MTUS1: variants seen among roughly 807,000 people sequenced by gnomAD.
The protein encoded by MTUS1 is microtubule associated scaffold protein 1.
A neutral mutation model predicts 120.8 loss-of-function variants in MTUS1; 109 were observed. The ratio of observed to expected loss-of-function variants is 0.90; its 90% CI spans 0.77 to 1.06. MTUS1 has a LOEUF of 1.06. Among genes scored for constraint, MTUS1 ranks in the 50% least tolerant of loss-of-function variants. The pLI is 0.00. For synonymous variants in MTUS1, 737 were observed against 550.5 expected (o/e 1.34, Z -4.74); for missense variants, 2,210 against 1,486.3 (o/e 1.49, Z -8.01).
At chr8:17,663,021 G>GT (rs1810103285) in intron 8 of MTUS1, among the ~76,000 whole-genome samples, 1 of 152,044 alleles carries the variant, frequency 6.6e-6, no homozygotes, top group Non-Finnish European at 1.5e-5. Context: ...CTAGGCCAGT[G>GT]ACCCTCCCTG....
intron 5 of MTUS1, among the ~76,000 whole-genome samples, chr8:17,713,604 G>C (rs1291947947): frequency 6.6e-6 from 1 of 152,182 alleles, no homozygotes; most frequent in Admixed American, 6.5e-5. Flanking sequence ...GCTGCCGGGA[G>C]AGCAGAGGCC....
upstream of MTUS1, chr8:17,801,353 C>A (rs1016291199): frequency 6.6e-6 from 1 of 151,916 alleles, no homozygotes; most frequent in South Asian, 2.1e-4. Flanking sequence ...CAACCCGGGG[C>A]GGCTCCTTCC....
At chr8:17,744,689 C>CTTTTTTTTTTTTTTTTTTTTT (rs58283163) in intron 2 of MTUS1, among the ~76,000 whole-genome samples, 130 of 98,976 alleles carry the variant, frequency 1.3e-3, no homozygotes, top group Middle Eastern at 7.7e-3. Flanking sequence ...ACCATGTTTT[C>CTTTTTTTTTTTTTTTTTTTTT]TTTTTTTTTT....
chr8:17,648,225 G>A (rs1806244799), intron 13 of MTUS1, among the ~76,000 whole-genome samples: 1 of 152,108 alleles, frequency 6.6e-6, no homozygotes, highest in Admixed American at 6.5e-5. Context: ...AATTTCATCA[G>A]AGGCCTGTAA....
At chr8:17,684,262 A>G (rs1322540125) in intron 7 of MTUS1, 66 bp downstream of exon 7, 9 of 1,165,190 alleles carry the variant, frequency 7.7e-6, no homozygotes, top group Non-Finnish European at 1.0e-5. Flanking sequence ...CCAGCGTGTG[A>G]GCAAGTCCTC....
intron 1 of MTUS1, among the ~76,000 whole-genome samples, chr8:17,760,772 T>G (rs1195058445): frequency 1.4e-5 from 2 of 147,336 alleles, no homozygotes; most frequent in Non-Finnish European, 3.0e-5. Flanking sequence ...ATGCAGAAAG[T>G]TAAAAAATAA....
intron 1 of MTUS1, among the ~76,000 whole-genome samples, chr8:17,765,095 C>G (rs2049369649): frequency 1.3e-5 from 2 of 152,172 alleles, no homozygotes; most frequent in Admixed American, 1.3e-4. Flanking sequence ...TCATAAGTAG[C>G]TCGCAACCTA....
intron 8 of MTUS1, 118 bp downstream of exon 8, chr8:17,675,068 C>T: frequency 6.5e-7 from 1 of 1,545,548 alleles, no homozygotes; most frequent in Non-Finnish European, 8.7e-7. Context: ...AGATACTAGA[C>T]AGGGAGTGCC....
intron 4 of MTUS1, among the ~76,000 whole-genome samples, chr8:17,720,107 G>GT (rs2045711192): frequency 6.6e-6 from 1 of 152,180 alleles, no homozygotes; most frequent in Non-Finnish European, 1.5e-5. Flanking sequence ...CACTCTGGGA[G>GT]GCAGACGCAG....
chr8:17,678,934 G>C (rs1033247135), intron 7 of MTUS1, among the ~76,000 whole-genome samples: 1 of 152,090 alleles, frequency 6.6e-6, no homozygotes, highest in Non-Finnish European at 1.5e-5. Flanking sequence ...AACTAAGCAA[G>C]GATAAACCAA....
intron 3 of MTUS1, among the ~76,000 whole-genome samples, chr8:17,741,092 T>C (rs530436808): frequency 1.3e-5 from 2 of 152,176 alleles, no homozygotes; most frequent in South Asian, 4.2e-4. Flanking sequence ...TTGGCCAGGC[T>C]GGTCTCAAAC....
At chr8:17,727,381 A>G (rs1275750185) in intron 3 of MTUS1, among the ~76,000 whole-genome samples, 1 of 152,210 alleles carries the variant, frequency 6.6e-6, no homozygotes, top group Non-Finnish European at 1.5e-5. Flanking sequence ...TCCCTCGGCC[A>G]TGCCACAGAA....
At position 17,742,291 on chromosome 8, in the gene MTUS1, GTTTTTTT is replaced by G. The variant is rs1237059839; in HGVS notation, c.2287+1306_2287+1312del. ...GCTGTTTTTTTTTTTTGTTGTTGTTGTTTTTTTTTTTTTTTTTTTTAGAGATAGTGTC... is the reference window on the plus strand; with the variant it reads ...GCTGTTTTTTTTTTTTGTTGTTGTTGTTTTTTTTTTTTTAGAGATAGTGTC... On this transcript the variant is annotated intron_variant, in intron 3 of 14. Coordinates refer to ENST00000693296, the MANE Select transcript of MTUS1 (RefSeq NM_001363059.2). 5.5e-4 allele frequency among the ~76,000 whole-genome samples: 52 copies of G among 94,696 alleles called. 1 individual carries two copies. Among genetic ancestry groups the G allele is most frequent in the African/African-American group, 2.2e-3 (51 of 23,272 alleles). The allele number at this position is 94,696 out of a possible 152,430, so 62.1% of individuals were successfully genotyped here. A position where few individuals can be genotyped will look rare whatever the true frequency, so the allele number is the denominator to read the frequency against.
chr8:17,689,504 CCTAAA>C (rs1301849105), intron 6 of MTUS1, among the ~76,000 whole-genome samples: 4 of 152,024 alleles, frequency 2.6e-5, no homozygotes, highest in Non-Finnish European at 5.9e-5. Flanking sequence ...CCAAACTTGC[CCTAAA>C]CTATTTTCCA....
intron 7 of MTUS1, among the ~76,000 whole-genome samples, chr8:17,680,720 G>C (rs1039490086): frequency 2.0e-5 from 3 of 151,986 alleles, no homozygotes; most frequent in African/African-American, 7.3e-5. Flanking sequence ...TAAAGGCCTC[G>C]GCTTGTGTTT....
intron 6 of MTUS1, among the ~76,000 whole-genome samples, chr8:17,701,739 C>T (rs1819133313): frequency 6.6e-6 from 1 of 152,042 alleles, no homozygotes; most frequent in Non-Finnish European, 1.5e-5. Context: ...TTAGTAGAGA[C>T]AGGGTTTCAC....
chr8:17,722,507 C>G, intron 4 of MTUS1: 1 of 985,288 alleles, frequency 1.0e-6, no homozygotes, highest in South Asian at 4.7e-5. Flanking sequence ...GGTAACAATC[C>G]TGTTTAATTG....
In MTUS1 at chr8:17,716,546, CTGTTTGTT is replaced by C. The variant is rs376606102; in HGVS notation, c.2450-653_2450-646del. 1.7e-3 allele frequency: 248 copies of C among 148,702 alleles called. 3 individuals are homozygous for C. The Middle Eastern group carries it at 0.02, about 12-fold the overall frequency. The allele number at this position is 148,702 out of a possible 1,614,324, so 9.2% of individuals were successfully genotyped here. On this transcript the variant is annotated intron_variant, in intron 4 of 14. Coordinates refer to ENST00000693296, the MANE Select transcript of MTUS1 (RefSeq NM_001363059.2). ...CCACCAATCCAGACTGGATTTTCTA[CTGTTTGTT>C]TGTTTGTTTGTTTGTTTTGAGACGG... is the stretch of plus-strand genomic sequence containing the variant.
rs935520420 is a variant in MTUS1, at chr8:17,645,975, G to C, written c.3764C>G (p.Ser1255Ter). Residue 1255 changes from serine (S) to a stop codon, truncating the protein, a stop_gained, in exon 15 of 15, where the codon TCA becomes TGA. Transcript: ENST00000693296. LOFTEE classifies it high-confidence loss of function. ...AGGGAAGGAGCCCGAATTCCTTGGT[G>C]ACTGCAAAGGGATGGCGGAGGATGT... ...SPTSSAIPLQ[S>*]PRNSGSFPSP... 1.2e-6 allele frequency: 2 copies of C among 1,613,340 alleles called. No homozygotes were observed. Among genetic ancestry groups the C allele is most frequent in the African/African-American group, 2.7e-5 (2 of 74,890 alleles).
Sources: allele counts gnomAD v4.1 joint callset (sites outside exome capture counted in the v4.1 genomes callset), GRCh38; gene constraint gnomAD v4.1.1; transcripts MANE v1.5; gene names NCBI Gene and HGNC (gene_info 2026-07-23, HGNC 2026-07-21).